The following MICU1 variants were observed in gnomAD, a reference collection of about 807,000 sequenced individuals.
MICU1 encodes mitochondrial calcium uptake 1, also known as calcium uptake protein 1, mitochondrial.
Under a neutral mutation model 56.8 loss-of-function variants are expected in MICU1, and 45 were observed. That is an observed-to-expected ratio of 0.79 (90% CI 0.62 to 1.02). The LOEUF (loss-of-function observed/expected upper bound fraction) is 1.02. Ranked by LOEUF, MICU1 falls within the 50% of genes least tolerant of loss-of-function variation. MICU1 has a pLI of 0.00. For missense variants in MICU1, 504 were observed against 587.1 expected (o/e 0.86, Z 1.46); for synonymous variants, 186 against 195.1 (o/e 0.95, Z 0.39).
intron 1 of MICU1, among the ~76,000 whole-genome samples, chr10:72,594,465 G>A (rs1221355609): frequency 6.6e-6 from 1 of 151,864 alleles, no homozygotes; most frequent in Non-Finnish European, 1.5e-5. Flanking sequence ...AACCTAGATA[G>A]GGAAAAAGCT....
At chr10:72,580,540 G>A (rs988682121) in intron 1 of MICU1, among the ~76,000 whole-genome samples, 3 of 152,070 alleles carry the variant, frequency 2.0e-5, no homozygotes, top group Admixed American at 1.3e-4. Flanking sequence ...GCAAAGGCAC[G>A]ATCTTGGCTC....
intron 6 of MICU1, among the ~76,000 whole-genome samples, chr10:72,491,291 T>C (rs1426619251): frequency 3.3e-5 from 5 of 152,202 alleles, no homozygotes; most frequent in South Asian, 4.1e-4. Context: ...TAAATATTAA[T>C]ATTACTTTAC....
chr10:72,502,151 TTTTTTTG>T (rs1332413878), intron 6 of MICU1, among the ~76,000 whole-genome samples: 1 of 103,414 alleles, frequency 9.7e-6, no homozygotes, highest in South Asian at 3.0e-4. Flanking sequence ...TTGCTGTTTT[TTTTTTTG>T]TTTTTTTTTT....
intron 5 of MICU1, among the ~76,000 whole-genome samples, chr10:72,521,412 C>T (rs1278107948): frequency 2.0e-5 from 3 of 152,098 alleles, no homozygotes; most frequent in Admixed American, 1.3e-4. Context: ...AAGCATTATA[C>T]TTCGCATATT....
rs79826748 is a variant in MICU1 at position 72,475,224 on chromosome 10, A to C, written c.809T>G (p.Leu270Arg). 1.3e-5 allele frequency: 21 copies of C among 1,610,986 alleles called. No individual in the cohort carries two copies. In the East Asian group the frequency reaches 4.5e-4, roughly 34 times the overall value. ...GAGGGCTGAACACAAGCCAGACTTG[A>C]GGGTGTTGCCAGTAGTTGGACGATC... ...HRDRPTTGNTLKSGLCSALTT... is the reference protein window; with the variant it reads ...HRDRPTTGNTRKSGLCSALTT... Residue 270 changes from leucine (L) to arginine (R), a missense_variant, in exon 8 of 12, where the codon CTC (leucine) becomes CGC (arginine). Coordinates refer to ENST00000361114, the MANE Select transcript of MICU1 (RefSeq NM_001195518.2).
chr10:72,505,094 C>G (rs890246953), intron 6 of MICU1, among the ~76,000 whole-genome samples: 1 of 151,878 alleles, frequency 6.6e-6, no homozygotes, highest in Non-Finnish European at 1.5e-5. Context: ...CTGCCTTAGC[C>G]TCCTGAGTAG....
chr10:72,576,128 C>T (rs1840736137), intron 1 of MICU1, among the ~76,000 whole-genome samples: 2 of 148,518 alleles, frequency 1.3e-5, no homozygotes, highest in African/African-American at 5.0e-5. Flanking sequence ...ACAGTAGAAT[C>T]TCTTGAACTT....
At chr10:72,583,158 A>G (rs560295720) in intron 1 of MICU1, 4 of 152,268 alleles carry the variant, frequency 2.6e-5, no homozygotes, top group African/African-American at 4.8e-5. Flanking sequence ...CTACAAGAAC[A>G]TATTAACAGG....
At chr10:72,428,891 T>C (rs1864435297) in intron 8 of MICU1, among the ~76,000 whole-genome samples, 1 of 152,204 alleles carries the variant, frequency 6.6e-6, no homozygotes, top group Non-Finnish European at 1.5e-5. Flanking sequence ...CAGAAGGTAA[T>C]ATACTGAAGT....
intron 7 of MICU1, 113 bp from the exon 8 acceptor site, chr10:72,475,410 TTA>T (rs1477477258): frequency 2.0e-6 from 2 of 1,019,050 alleles, no homozygotes. Flanking sequence ...TGTATTATAA[TTA>T]TCTCTTTTAA....
intron 8 of MICU1, among the ~76,000 whole-genome samples, chr10:72,429,297 G>A (rs542042832): frequency 6.6e-6 from 1 of 151,930 alleles, no homozygotes; most frequent in South Asian, 2.1e-4. Flanking sequence ...GTGTGCACCT[G>A]TAATCCCAGC....
intron 10 of MICU1, among the ~76,000 whole-genome samples, chr10:72,390,101 C>T (rs1434091664): frequency 2.0e-5 from 3 of 151,860 alleles, no homozygotes; most frequent in African/African-American, 7.3e-5. Context: ...GGTTGTTACT[C>T]TCACATGGGT....
chr10:72,459,287 C>T (rs985765958), intron 8 of MICU1, among the ~76,000 whole-genome samples: 5 of 152,118 alleles, frequency 3.3e-5, no homozygotes, highest in African/African-American at 9.7e-5. Flanking sequence ...GCCGAGATCA[C>T]ACCACTGCAC....
intron 1 of MICU1, among the ~76,000 whole-genome samples, chr10:72,578,557 G>A (rs532848656): frequency 1.3e-5 from 2 of 151,796 alleles, no homozygotes; most frequent in South Asian, 2.1e-4. Flanking sequence ...GAGCCACCAT[G>A]CCTGGCCCAA....
intron 4 of MICU1, among the ~76,000 whole-genome samples, chr10:72,539,747 G>A (rs1472871425): frequency 1.3e-5 from 2 of 152,136 alleles, no homozygotes; most frequent in African/African-American, 2.4e-5. Flanking sequence ...CAAGCAGATA[G>A]AGAGTAGAAA....
intron 9 of MICU1, among the ~76,000 whole-genome samples, chr10:72,415,698 T>C (rs1589192723): frequency 6.6e-6 from 1 of 152,302 alleles, no homozygotes; most frequent in East Asian, 1.9e-4. Flanking sequence ...TCTGCTTCCA[T>C]AACTTAACCT....
intron 7 of MICU1, chr10:72,475,812 CAAGTGGCTGGT>C: frequency 2.2e-6 from 1 of 456,218 alleles, no homozygotes; most frequent in South Asian, 1.6e-5. Context: ...TGCTCAAGGT[CAAGTGGCTGGT>C]AAGTAGCAGA....
At chr10:72,459,142 C>T (rs1351232273) in intron 8 of MICU1, among the ~76,000 whole-genome samples, 1 of 151,926 alleles carries the variant, frequency 6.6e-6, no homozygotes, top group Non-Finnish European at 1.5e-5. Context: ...ACCAGCTTGG[C>T]CAACATGGTG....
In MICU1 at chr10:72,475,098, A is replaced by G; in HGVS notation, c.933+2T>C. The G allele has an allele frequency of 1.2e-6, 2 of 1,606,420 alleles. No homozygotes were observed. The highest frequency in any genetic ancestry group is 8.5e-7 in the Non-Finnish European group (1 of 1,176,206). The stretch of plus-strand genomic sequence containing the variant: ...GATCTACTGAGTCTAAGGAAGACCT[A>G]CCTCAAGCTTCAGAACATCATGCTG... On this transcript the variant is annotated splice_donor_variant, in intron 8 of 11. Transcript: ENST00000361114. LOFTEE classifies it high-confidence loss of function.
Sources: gnomAD v4.1 joint callset for allele counts (sites outside exome capture counted in the v4.1 genomes callset) on GRCh38, gnomAD v4.1.1 for gene constraint, MANE v1.5 for transcripts, NCBI Gene and HGNC (gene_info 2026-07-23, HGNC 2026-07-21) for gene names.